The following FBXL17 variants were observed in gnomAD, a reference collection of about 807,000 sequenced individuals.
The protein encoded by FBXL17 is F-box and leucine rich repeat protein 17.
FBXL17 carries 22 observed loss-of-function variants against 66.2 expected under a neutral mutation model. The observed-to-expected ratio is 0.33, with a 90% CI of 0.24 to 0.47. The LOEUF (loss-of-function observed/expected upper bound fraction) is 0.47, where lower values mean the gene tolerates loss of function less well. Ranked by LOEUF, FBXL17 falls within the 20% of genes least tolerant of loss-of-function variation. The pLI is 1.00. For synonymous variants in FBXL17, 474 were observed against 400.5 expected (o/e 1.18, Z -2.19); for missense variants, 878 against 948.2 (o/e 0.93, Z 0.97).
Position 108,381,971 on chromosome 5 carries a change from C to G in FBXL17, c.-280G>C. ...CGAGGGAGGGAGCGAGCGAGCCTGCCGGCTAGGCGACCAGTCCGGGCCCGG... is the reference window on the plus strand; with the variant it reads ...CGAGGGAGGGAGCGAGCGAGCCTGCGGGCTAGGCGACCAGTCCGGGCCCGG... On this transcript the variant is annotated 5_prime_UTR_variant, in exon 1 of 9. Transcript: ENST00000542267. The G allele has an allele frequency of 1.6e-6, 2 of 1,220,010 alleles. No homozygotes were observed. Among genetic ancestry groups the G allele is most frequent in the Non-Finnish European group, 2.0e-6 (2 of 977,804 alleles). 75.6% of individuals were successfully genotyped at this position (1,220,010 alleles called of 1,614,324 possible). A position where few individuals can be genotyped will look rare whatever the true frequency, so the allele number is the denominator to read the frequency against.
chr5:108,240,575 A>T (rs992258492), intron 4 of FBXL17, among the ~76,000 whole-genome samples: 1 of 152,174 alleles, frequency 6.6e-6, no homozygotes, highest in Non-Finnish European at 1.5e-5. Context: ...AAGGTTTCTG[A>T]TTCCAGTCCC....
intron 6 of FBXL17, among the ~76,000 whole-genome samples, chr5:108,158,943 T>C (rs899752621): frequency 6.6e-6 from 1 of 152,072 alleles, no homozygotes; most frequent in African/African-American, 2.4e-5. Flanking sequence ...CCAGAAGAGA[T>C]AAATATAGCT....
At chr5:108,277,407 A>T (rs1003157439) in intron 4 of FBXL17, among the ~76,000 whole-genome samples, 1 of 152,212 alleles carries the variant, frequency 6.6e-6, no homozygotes, top group Non-Finnish European at 1.5e-5. Context: ...ACCTCCATGC[A>T]TTCCTTTTCA....
intron 7 of FBXL17, among the ~76,000 whole-genome samples, chr5:107,906,735 C>T (rs1398319454): frequency 6.6e-6 from 1 of 152,080 alleles, no homozygotes; most frequent in Non-Finnish European, 1.5e-5. Flanking sequence ...CTAATAACTG[C>T]AAATTGTTAT....
intron 4 of FBXL17, among the ~76,000 whole-genome samples, chr5:108,323,688 C>T (rs539457629): frequency 5.9e-5 from 9 of 152,066 alleles, no homozygotes; most frequent in Admixed American, 5.2e-4. Flanking sequence ...CTTCCTGATT[C>T]CAAAACTTAT....
intron 7 of FBXL17, among the ~76,000 whole-genome samples, chr5:107,976,628 A>C (rs1438879584): frequency 6.6e-6 from 1 of 152,186 alleles, no homozygotes; most frequent in Non-Finnish European, 1.5e-5. Context: ...ACAACAATGA[A>C]GAATCAACCA....
chr5:108,333,972 T>C (rs1398010732), intron 4 of FBXL17, among the ~76,000 whole-genome samples: 1 of 152,230 alleles, frequency 6.6e-6, no homozygotes, highest in Non-Finnish European at 1.5e-5. Flanking sequence ...ATTTTACAAA[T>C]GATCTAATTG....
chr5:108,081,130 T>C (rs939964865), intron 6 of FBXL17, among the ~76,000 whole-genome samples: 4 of 152,242 alleles, frequency 2.6e-5, no homozygotes, highest in Admixed American at 2.0e-4. Context: ...ATTTGGTATC[T>C]TATTGCAACA....
chr5:108,008,134 C>A (rs922859001), intron 7 of FBXL17, among the ~76,000 whole-genome samples: 1 of 152,134 alleles, frequency 6.6e-6, no homozygotes, highest in African/African-American at 2.4e-5. Context: ...CTGGTAAGTA[C>A]AAGCATCAAA....
chr5:108,125,787 CCA>C, intron 6 of FBXL17, among the ~76,000 whole-genome samples: 1 of 152,014 alleles, frequency 6.6e-6, no homozygotes, highest in African/African-American at 2.4e-5. Context: ...GTGTTTATAT[CCA>C]GTTATTGTGT....
At chr5:108,151,350 T>G (rs1229343337) in intron 6 of FBXL17, among the ~76,000 whole-genome samples, 2 of 152,192 alleles carry the variant, frequency 1.3e-5, no homozygotes, top group African/African-American at 2.4e-5. Flanking sequence ...AAGAAAATTC[T>G]CTTTGCTTCA....
intron 7 of FBXL17, among the ~76,000 whole-genome samples, chr5:107,904,352 CTCTT>C (rs1479753475): frequency 6.6e-6 from 1 of 152,160 alleles, no homozygotes; most frequent in African/African-American, 2.4e-5. Context: ...ACTCTACCAT[CTCTT>C]TCAGCATCTC....
intron 4 of FBXL17, among the ~76,000 whole-genome samples, chr5:108,254,172 C>T (rs971610349): frequency 6.6e-6 from 1 of 152,104 alleles, no homozygotes; most frequent in African/African-American, 2.4e-5. Flanking sequence ...GCATTATATA[C>T]TAAAGAAACT....
At chr5:107,941,130 C>A (rs766233316) in intron 7 of FBXL17, among the ~76,000 whole-genome samples, 31 of 149,346 alleles carry the variant, frequency 2.1e-4, no homozygotes, top group East Asian at 1.4e-3. Flanking sequence ...AAAAAAAAAA[C>A]CCCACACACT....
chr5:108,127,277 C>T (rs1039049643), intron 6 of FBXL17, among the ~76,000 whole-genome samples: 4 of 152,146 alleles, frequency 2.6e-5, no homozygotes, highest in Admixed American at 6.6e-5. Context: ...ATGAGGCCCA[C>T]AGTGATAAAT....
chr5:108,230,538 A>C (rs1755285534), intron 4 of FBXL17, among the ~76,000 whole-genome samples: 1 of 152,166 alleles, frequency 6.6e-6, no homozygotes, highest in South Asian at 2.1e-4. Context: ...CAAAGGCATA[A>C]GAACGATACA....
At chr5:108,141,052 T>C (rs1751330218) in intron 6 of FBXL17, among the ~76,000 whole-genome samples, 2 of 152,268 alleles carry the variant, frequency 1.3e-5, no homozygotes, top group South Asian at 4.2e-4. Flanking sequence ...ATCATTCCCC[T>C]ATTCAGAGTT....
intron 6 of FBXL17, among the ~76,000 whole-genome samples, chr5:108,082,848 A>G (rs1748821711): frequency 6.6e-6 from 1 of 152,230 alleles, no homozygotes; most frequent in African/African-American, 2.4e-5. Context: ...AAGATTGTAG[A>G]ACTAAAGTGA....
chr5:107,913,023 A>C (rs533852283), intron 7 of FBXL17, among the ~76,000 whole-genome samples: 3 of 152,294 alleles, frequency 2.0e-5, no homozygotes, highest in Admixed American at 6.5e-5. Context: ...AATAGCTAAC[A>C]TAAGATTATA....
Sources: allele counts gnomAD v4.1 joint callset (sites outside exome capture counted in the v4.1 genomes callset), GRCh38; gene constraint gnomAD v4.1.1; transcripts MANE v1.5; gene names NCBI Gene and HGNC (gene_info 2026-07-23, HGNC 2026-07-21).